Variants in OOSP3 observed in about 807,000 individuals in gnomAD.
The protein encoded by OOSP3 is oocyte-secreted protein 3.
chr11:59,892,985 T>C (rs1194496183), intron 2 of OOSP3, among the ~76,000 whole-genome samples: 1 of 152,224 alleles, frequency 6.6e-6, no homozygotes, highest in Non-Finnish European at 1.5e-5. Flanking sequence ...CTTATTGTTT[T>C]ATGAAGAAGT....
At chr11:59,884,326 T>G (rs564664972) in intron 2 of OOSP3, among the ~76,000 whole-genome samples, 1 of 152,168 alleles carries the variant, frequency 6.6e-6, no homozygotes, top group Non-Finnish European at 1.5e-5. Context: ...TGTACAGAAA[T>G]AGAACTGATT....
intron 2 of OOSP3, among the ~76,000 whole-genome samples, chr11:59,885,402 C>A (rs1034500596): frequency 1.5e-4 from 23 of 152,028 alleles, no homozygotes; most frequent in African/African-American, 5.6e-4. Context: ...AAACATGTGC[C>A]ATGGTGGTTT....
intron 2 of OOSP3, among the ~76,000 whole-genome samples, chr11:59,888,857 G>A (rs1392347540): frequency 6.6e-6 from 1 of 152,208 alleles, no homozygotes; most frequent in Non-Finnish European, 1.5e-5. Flanking sequence ...GTTGGGAATA[G>A]TTTCAGAAGG....
At chr11:59,884,477 C>CTG (rs1265237314) in intron 2 of OOSP3, among the ~76,000 whole-genome samples, 302 of 2,812 alleles carry the variant, frequency 0.11, no homozygotes, top group Middle Eastern at 0.5. Context: ...GTCTGTCTGT[C>CTG]TCTCTCTCTC....
At chr11:59,895,108 T>C (rs1853343818) in intron 3 of OOSP3, among the ~76,000 whole-genome samples, 1 of 152,134 alleles carries the variant, frequency 6.6e-6, no homozygotes, top group African/African-American at 2.4e-5. Context: ...CCCTGAAACT[T>C]TGCTATATCT....
intron 2 of OOSP3, among the ~76,000 whole-genome samples, chr11:59,891,725 G>GT (rs1853314726): frequency 6.6e-6 from 1 of 152,232 alleles, no homozygotes; most frequent in Non-Finnish European, 1.5e-5. Flanking sequence ...GTCTTATGCA[G>GT]TCAGGAGGCA....
intron 2 of OOSP3, among the ~76,000 whole-genome samples, chr11:59,884,491 C>G (rs890295904): frequency 7.2e-4 from 104 of 144,986 alleles, no homozygotes; most frequent in African/African-American, 2.6e-3. Context: ...CTCTCTCTCT[C>G]TCTCTCTCTC....
At chr11:59,885,361 T>C (rs59309969) in intron 2 of OOSP3, among the ~76,000 whole-genome samples, 6,268 of 152,246 alleles carry the variant, frequency 0.041, 416 homozygotes, top group African/African-American at 0.14. Context: ...CAGTGGTACA[T>C]GTGCAGGATG....
chr11:59,892,994 G>T (rs1261515721), intron 2 of OOSP3, among the ~76,000 whole-genome samples: 1 of 152,142 alleles, frequency 6.6e-6, no homozygotes, highest in Non-Finnish European at 1.5e-5. Flanking sequence ...TTATGAAGAA[G>T]TGGATTTTTT....
chr11:59,880,656 TA>T (rs1416257661), intron 2 of OOSP3, among the ~76,000 whole-genome samples: 1 of 152,198 alleles, frequency 6.6e-6, no homozygotes, highest in Non-Finnish European at 1.5e-5. Flanking sequence ...TATATAGTAG[TA>T]TAACTATCCA....
At chr11:59,886,338 A>G (rs992028957) in intron 2 of OOSP3, among the ~76,000 whole-genome samples, 1 of 152,246 alleles carries the variant, frequency 6.6e-6, no homozygotes, top group African/African-American at 2.4e-5. Context: ...TATTGTGAAT[A>G]GTGCTGCAAT....
chr11:59,882,927 G>A (rs981307284), intron 2 of OOSP3, among the ~76,000 whole-genome samples: 3 of 152,078 alleles, frequency 2.0e-5, no homozygotes, highest in African/African-American at 7.2e-5. Context: ...TGTTTTCAAA[G>A]TTTATCTATA....
chr11:59,879,059 G>A (rs1853178413), intron 1 of OOSP3, among the ~76,000 whole-genome samples, 178 bp downstream of exon 1: 1 of 152,132 alleles, frequency 6.6e-6, no homozygotes, highest in Non-Finnish European at 1.5e-5. Flanking sequence ...GATTTATCTA[G>A]TTTATCCTAA....
rs372274969 is a variant in OOSP3, at chr11:59,881,856, G to C, written c.252+1417G>C. On this transcript the variant is annotated intron_variant, in intron 2 of 4. Transcript: ENST00000646438. ...ACTGCACTCCAGTCTGGGCAACAGA[G>C]CAAGACTCCGTCTCAAAAAAATAAA... Among the ~76,000 whole-genome samples, 44 of 152,270 alleles carry C rather than the reference G, an allele frequency of 2.9e-4. No individual in the cohort carries two copies. The South Asian group carries it at 8.9e-3, about 31-fold the overall frequency.
At chr11:59,884,643 G>C (rs1853236322) in intron 2 of OOSP3, among the ~76,000 whole-genome samples, 1 of 152,006 alleles carries the variant, frequency 6.6e-6, no homozygotes, top group Admixed American at 6.6e-5. Context: ...TGGGACTACA[G>C]GTGTGTGCCA....
chr11:59,892,626 T>C (rs988169423), intron 2 of OOSP3, among the ~76,000 whole-genome samples: 2 of 152,110 alleles, frequency 1.3e-5, no homozygotes, highest in African/African-American at 2.4e-5. Context: ...CCAATCTCTT[T>C]ACTTATTATA....
At chr11:59,884,788 G>A (rs1246596716) in intron 2 of OOSP3, among the ~76,000 whole-genome samples, 1 of 152,172 alleles carries the variant, frequency 6.6e-6, no homozygotes, top group Non-Finnish European at 1.5e-5. Context: ...ACAGGCGTGA[G>A]CCACTGTGCC....
intron 2 of OOSP3, among the ~76,000 whole-genome samples, chr11:59,890,799 G>T (rs1186017129): frequency 3.3e-5 from 5 of 152,056 alleles, no homozygotes; most frequent in Non-Finnish European, 7.4e-5. Flanking sequence ...GGGTTCTCTG[G>T]ATTTCCTGAA....
intron 2 of OOSP3, among the ~76,000 whole-genome samples, chr11:59,892,158 G>A (rs925828583): frequency 6.6e-6 from 1 of 152,202 alleles, no homozygotes; most frequent in African/African-American, 2.4e-5. Flanking sequence ...AGGCCCTGGT[G>A]GTGTGGGCTC....
Sources: allele counts gnomAD v4.1 joint callset (sites outside exome capture counted in the v4.1 genomes callset), GRCh38; gene constraint gnomAD v4.1.1; transcripts MANE v1.5; gene names NCBI Gene and HGNC (gene_info 2026-07-23, HGNC 2026-07-21).